Variants in SNTG1 observed in about 807,000 individuals in gnomAD.
SNTG1 encodes the protein syntrophin gamma 1.
A neutral mutation model predicts 74.7 loss-of-function variants in SNTG1; 39 were observed. The ratio of observed to expected loss-of-function variants is 0.52; its 90% CI spans 0.40 to 0.68. The LOEUF (loss-of-function observed/expected upper bound fraction) is 0.68. SNTG1 is among the 30% of genes least tolerant of loss of function. The pLI, the probability that SNTG1 is intolerant of heterozygous loss-of-function variation, is 0.00. For missense variants in SNTG1, 685 were observed against 609.5 expected, an observed-to-expected ratio of 1.12 and a Z score of -1.30; for synonymous variants, 254 against 217.1, an observed-to-expected ratio of 1.17 and a Z score of -1.49.
At chr8:50,442,070 C>G (rs993609861) in intron 5 of SNTG1, among the ~76,000 whole-genome samples, 2 of 152,170 alleles carry the variant, frequency 1.3e-5, no homozygotes, top group African/African-American at 4.8e-5. Flanking sequence ...AAAGCAGATG[C>G]CTTGACCAGG....
intron 8 of SNTG1, among the ~76,000 whole-genome samples, chr8:50,460,578 G>A (rs1456842763): frequency 6.6e-6 from 1 of 152,094 alleles, no homozygotes; most frequent in Non-Finnish European, 1.5e-5. Flanking sequence ...GTCCAAAATG[G>A]TATTTTCTAG....
At chr8:49,924,422 A>G (rs1364524626) in intron 1 of SNTG1, among the ~76,000 whole-genome samples, 1 of 152,184 alleles carries the variant, frequency 6.6e-6, no homozygotes, top group Admixed American at 6.6e-5. Context: ...TCCTGTTTGT[A>G]CAAGTATTAC....
chr8:50,020,210 C>A (rs1217653693), intron 1 of SNTG1, among the ~76,000 whole-genome samples: 1 of 152,136 alleles, frequency 6.6e-6, no homozygotes, highest in Admixed American at 6.6e-5. Context: ...TTCCCCTCCT[C>A]CTCTTTTATC....
chr8:50,737,930 T>C (rs954374704), intron 17 of SNTG1, among the ~76,000 whole-genome samples: 1 of 152,082 alleles, frequency 6.6e-6, no homozygotes, highest in Non-Finnish European at 1.5e-5. Context: ...GAGCTATTTA[T>C]GACAAACCCA....
intron 1 of SNTG1, among the ~76,000 whole-genome samples, chr8:50,078,371 C>T (rs1242329426): frequency 6.6e-6 from 1 of 152,090 alleles, no homozygotes; most frequent in African/African-American, 2.4e-5. Flanking sequence ...GAATTGCCTT[C>T]TTCCCGGCAT....
chr8:50,324,687 C>T, intron 2 of SNTG1, among the ~76,000 whole-genome samples: 1 of 151,874 alleles, frequency 6.6e-6, no homozygotes, highest in East Asian at 1.9e-4. Context: ...TATTTTTCCC[C>T]AATATATGGC....
At chr8:50,146,929 A>G (rs189957539) in intron 1 of SNTG1, among the ~76,000 whole-genome samples, 2 of 152,068 alleles carry the variant, frequency 1.3e-5, no homozygotes, top group Admixed American at 6.6e-5. Context: ...TTTATCACAT[A>G]TATGATTTGC....
chr8:50,534,194 G>C (rs1297948281), intron 10 of SNTG1, among the ~76,000 whole-genome samples: 1 of 152,178 alleles, frequency 6.6e-6, no homozygotes, highest in Non-Finnish European at 1.5e-5. Flanking sequence ...TATCAAAAAG[G>C]TGTTAGTCTG....
At chr8:49,997,701 T>G (rs1814358428) in intron 1 of SNTG1, among the ~76,000 whole-genome samples, 1 of 152,198 alleles carries the variant, frequency 6.6e-6, no homozygotes, top group Non-Finnish European at 1.5e-5. Flanking sequence ...TGTCCTGGTT[T>G]TCCTACAATC....
At chr8:50,748,647 C>T (rs2095560477) in intron 17 of SNTG1, among the ~76,000 whole-genome samples, 1 of 151,946 alleles carries the variant, frequency 6.6e-6, no homozygotes, top group Non-Finnish European at 1.5e-5. Context: ...TTTCCAACAG[C>T]GTGCGCTTAC....
chr8:50,032,013 A>G (rs1343154156), intron 1 of SNTG1, among the ~76,000 whole-genome samples: 1 of 152,054 alleles, frequency 6.6e-6, no homozygotes, highest in Non-Finnish European at 1.5e-5. Context: ...TTTCAGTTGA[A>G]TTTTGTTAGT....
At chr8:50,547,250 C>T (rs2094394894) in intron 11 of SNTG1, among the ~76,000 whole-genome samples, 1 of 152,138 alleles carries the variant, frequency 6.6e-6, no homozygotes, top group Non-Finnish European at 1.5e-5. Flanking sequence ...TCAGGAGGTC[C>T]ACAAGGACTG....
At chr8:49,937,223 G>A (rs1331082441) in intron 1 of SNTG1, among the ~76,000 whole-genome samples, 1 of 152,084 alleles carries the variant, frequency 6.6e-6, no homozygotes, top group Non-Finnish European at 1.5e-5. Flanking sequence ...AGGGAAAAAA[G>A]AGTACACATT....
In SNTG1 at chr8:49,961,980, C is replaced by A. The variant is rs76624640; in HGVS notation, c.-103+49749C>A. Among the ~76,000 whole-genome samples the A allele has an allele frequency of 3.2e-3, 492 of 152,318 alleles. 10 individuals are homozygous for A. The East Asian group carries it at 0.053, about 16-fold the overall frequency. On this transcript the variant is annotated intron_variant, in intron 1 of 18. Coordinates refer to ENST00000642720, the MANE Select transcript of SNTG1 (RefSeq NM_018967.5). ...TGACTTTCAGGGAGTTTGAGAATGG[C>A]AAGAAAAGCCATGTCAATGGCAGCC... is the stretch of plus-strand genomic sequence containing the variant.
chr8:49,916,684 A>G (rs1806066045), intron 1 of SNTG1, among the ~76,000 whole-genome samples: 1 of 152,066 alleles, frequency 6.6e-6, no homozygotes, highest in Non-Finnish European at 1.5e-5. Context: ...TGGTGCCAAA[A>G]TTTGAACAAT....
At chr8:50,446,190 A>C (rs1486286286) in intron 5 of SNTG1, among the ~76,000 whole-genome samples, 1 of 152,186 alleles carries the variant, frequency 6.6e-6, no homozygotes, top group Non-Finnish European at 1.5e-5. Context: ...TTCCCCATTT[A>C]GGCCCTGCAC....
Position 50,792,835 on chromosome 8 carries a change from T to TGAAATCTTCATTGACACACC in SNTG1, c.*9_*10insATCTTCATTGACACACCGAA. Reference sequence around the variant, plus strand: ...AAGCAAAGTATACAACTTGACATACTGAACTCTTCATTGACACACCCCATG... The same window carrying TGAAATCTTCATTGACACACC: ...AAGCAAAGTATACAACTTGACATACTGAAATCTTCATTGACACACCGAACTCTTCATTGACACACCCCATG... On this transcript the variant is annotated 3_prime_UTR_variant, in exon 19 of 19. Transcript: ENST00000642720. 1.2e-6 allele frequency: 2 copies of TGAAATCTTCATTGACACACC among 1,610,736 alleles called. No homozygotes were observed. The highest frequency in any genetic ancestry group is 1.7e-6 in the Non-Finnish European group (2 of 1,178,064).
Position 50,253,091 on chromosome 8 carries a change from C to T in SNTG1, c.-28+80456C>T, listed in dbSNP as rs187890589. Among the ~76,000 whole-genome samples, 544 of 152,048 alleles carry T rather than the reference C, an allele frequency of 3.6e-3. 4 individuals carry two copies. Among genetic ancestry groups the T allele is most frequent in the African/African-American group, 0.012 (501 of 41,452 alleles). On this transcript the variant is annotated intron_variant, in intron 2 of 18. Coordinates refer to ENST00000642720, the MANE Select transcript of SNTG1 (RefSeq NM_018967.5). ...CACACCGTTGGTGGGACTGTAAATC[C>T]GTACAGCCACTGTGAAAAGCAGCAC...
intron 15 of SNTG1, among the ~76,000 whole-genome samples, chr8:50,672,410 A>T (rs4873153): frequency 0.34 from 51,786 of 151,808 alleles, 11,172 homozygotes; most frequent in African/African-American, 0.61. Context: ...CATTGTGGTT[A>T]GATTTGCATT....
Sources: gnomAD v4.1 joint callset for allele counts (sites outside exome capture counted in the v4.1 genomes callset) on GRCh38, gnomAD v4.1.1 for gene constraint, MANE v1.5 for transcripts, NCBI Gene and HGNC (gene_info 2026-07-23, HGNC 2026-07-21) for gene names.